The following FBXL20 variants were observed in gnomAD, a reference collection of about 807,000 sequenced individuals.
FBXL20 encodes the protein F-box/LRR-repeat protein 20.
FBXL20 carries 11 observed loss-of-function variants against 64.0 expected under a neutral mutation model. The observed-to-expected ratio is 0.17, with a 90% CI of 0.11 to 0.28. The LOEUF is 0.28. Ranked by LOEUF, FBXL20 falls within the 10% of genes least tolerant of loss-of-function variation. The pLI is 1.00. For missense variants in FBXL20, 303 were observed against 526.2 expected (o/e 0.58, Z 4.15); for synonymous variants, 184 against 189.0 (o/e 0.97, Z 0.22).
intron 1 of FBXL20, among the ~76,000 whole-genome samples, chr17:39,357,889 G>A (rs1049966336): frequency 6.6e-6 from 1 of 152,120 alleles, no homozygotes; most frequent in African/African-American, 2.4e-5. Context: ...AATTCTCTCA[G>A]TATTTGCTTA....
intron 10 of FBXL20, among the ~76,000 whole-genome samples, chr17:39,274,126 C>T (rs1419374885): frequency 6.6e-6 from 1 of 152,178 alleles, no homozygotes; most frequent in Admixed American, 6.5e-5. Flanking sequence ...CTTCTAGCCT[C>T]GGTCTCCCTA....
rs554685377 is a variant in FBXL20, at chr17:39,365,157, C to T, written c.43-21916G>A. ...AGAATCAATTTTCATTAAAAAAAAT[C>T]CAGAGTTGAAGCTGCAGAAGATTTT... On this transcript the variant is annotated intron_variant, in intron 1 of 14. Transcript: ENST00000264658. Among the ~76,000 whole-genome samples the T allele has an allele frequency of 3.9e-5, 6 of 152,164 alleles. 1 individual carries two copies. The East Asian group carries it at 7.7e-4, about 20-fold the overall frequency.
intron 1 of FBXL20, among the ~76,000 whole-genome samples, chr17:39,391,928 G>A (rs1404583828): frequency 6.6e-6 from 1 of 151,658 alleles, no homozygotes; most frequent in Non-Finnish European, 1.5e-5. Context: ...TGGATCACAA[G>A]GCCAGGAGTT....
intron 1 of FBXL20, among the ~76,000 whole-genome samples, chr17:39,356,284 T>C (rs375645356): frequency 6.6e-6 from 1 of 151,728 alleles, no homozygotes; most frequent in African/African-American, 2.4e-5. Context: ...CCATTTTGAG[T>C]TAATTATCAT....
At chr17:39,387,348 C>G (rs1304851936) in intron 1 of FBXL20, among the ~76,000 whole-genome samples, 1 of 147,026 alleles carries the variant, frequency 6.8e-6, no homozygotes, top group Non-Finnish European at 1.5e-5. Flanking sequence ...GGCGCAATCT[C>G]GGCTTGCTGT....
chr17:39,339,944 AT>A (rs887759544), intron 2 of FBXL20, among the ~76,000 whole-genome samples: 71 of 139,980 alleles, frequency 5.1e-4, no homozygotes, highest in African/African-American at 5.0e-4. Context: ...CCGTAACTGG[AT>A]TTTTTTTTTT....
intron 2 of FBXL20, among the ~76,000 whole-genome samples, chr17:39,326,575 T>A (rs1245801066): frequency 6.6e-6 from 1 of 151,664 alleles, no homozygotes; most frequent in Non-Finnish European, 1.5e-5. Context: ...TGAGCCATAA[T>A]CACGCCAATG....
rs1190009893 is a variant in FBXL20, at chr17:39,270,829, T to C, written c.855A>G (p.Gln285=). Reference sequence around the variant, plus strand: ...GAGTGGTAAAGCCCACATCTGTTAATTGAGAACATCTTGCCACTTCCAATA... The same window carrying C: ...GAGTGGTAAAGCCCACATCTGTTAACTGAGAACATCTTGCCACTTCCAATA... ...LRILEVARCS[Q]LTDVGFTTLA... The change falls in exon 11 of 15, where the codon CAA becomes CAG. Residue 285 remains glutamine (Q), a synonymous_variant. Transcript: ENST00000264658. The C allele has an allele frequency of 3.1e-6, 5 of 1,606,802 alleles. No individual in the cohort carries two copies. The highest frequency in any genetic ancestry group is 2.7e-5 in the African/African-American group (2 of 74,038).
At chr17:39,281,772 A>C (rs1040197027) in intron 8 of FBXL20, among the ~76,000 whole-genome samples, 1 of 152,164 alleles carries the variant, frequency 6.6e-6, no homozygotes, top group Non-Finnish European at 1.5e-5. Flanking sequence ...ACAGCATTTT[A>C]CTGAGGGCCC....
At chr17:39,396,680 G>T (rs928049311) in intron 1 of FBXL20, among the ~76,000 whole-genome samples, 3 of 152,022 alleles carry the variant, frequency 2.0e-5, no homozygotes, top group Non-Finnish European at 4.4e-5. Context: ...GTCTTGCCGG[G>T]CGTGGTGGCT....
chr17:39,341,547 A>C (rs2047583278), intron 2 of FBXL20, among the ~76,000 whole-genome samples: 1 of 152,170 alleles, frequency 6.6e-6, no homozygotes, highest in Admixed American at 6.6e-5. Flanking sequence ...TTAAGGAGAG[A>C]GGGTTCATAT....
chr17:39,285,342 A>T, intron 7 of FBXL20, 136 bp downstream of exon 7: 1 of 499,068 alleles, frequency 2.0e-6, no homozygotes, highest in Non-Finnish European at 3.3e-6. Flanking sequence ...GCAAGTGGTA[A>T]AACAAATTAT....
chr17:39,302,932 GAC>G (rs1299239290), intron 3 of FBXL20, among the ~76,000 whole-genome samples: 1 of 149,790 alleles, frequency 6.7e-6, no homozygotes, highest in Non-Finnish European at 1.5e-5. Context: ...TTTTTTTTGA[GAC>G]AGAGTCTCGC....
At chr17:39,278,638 C>T (rs993879422) in intron 9 of FBXL20, among the ~76,000 whole-genome samples, 7 of 149,924 alleles carry the variant, frequency 4.7e-5, no homozygotes, top group Admixed American at 3.3e-4. Flanking sequence ...ACCTCCACCT[C>T]CTGGGTTCAA....
chr17:39,381,802 A>G (rs1276851398), intron 1 of FBXL20, among the ~76,000 whole-genome samples: 1 of 151,782 alleles, frequency 6.6e-6, no homozygotes, highest in East Asian at 1.9e-4. Context: ...GAAGGGAAAA[A>G]AAAAAAAAAA....
In FBXL20 at chr17:39,401,429, G is replaced by A. The variant is rs528854045; in HGVS notation, c.-27C>T. 51 of 1,577,568 alleles carry A rather than the reference G, an allele frequency of 3.2e-5. No homozygotes were observed. In the South Asian group the frequency reaches 5.4e-4, roughly 17 times the overall value. ...GGGCCGGCGGGTGCGGCCCGGGCCG[G>A]GCGCTGCGGCGAGCGGAGTGCACAG... On this transcript the variant is annotated 5_prime_UTR_variant, in exon 1 of 15. Transcript: ENST00000264658.
chr17:39,292,729 A>G (rs1489437307), intron 6 of FBXL20, among the ~76,000 whole-genome samples: 2 of 146,058 alleles, frequency 1.4e-5, no homozygotes, highest in Non-Finnish European at 3.0e-5. Context: ...CTATATTTCT[A>G]TTGACTGGCT....
chr17:39,265,705 T>G (rs1320233049), intron 12 of FBXL20, among the ~76,000 whole-genome samples: 1 of 149,902 alleles, frequency 6.7e-6, no homozygotes, highest in East Asian at 1.9e-4. Context: ...TTTTTTTTTG[T>G]AGAGACAGGG....
chr17:39,289,998 CAAA>C (rs368530587), intron 6 of FBXL20, among the ~76,000 whole-genome samples: 10 of 41,876 alleles, frequency 2.4e-4, no homozygotes, highest in East Asian at 1.2e-3. Context: ...GACTCAGTCT[CAAA>C]AAAAAAAAAA....
Sources: allele counts gnomAD v4.1 joint callset (sites outside exome capture counted in the v4.1 genomes callset), GRCh38; gene constraint gnomAD v4.1.1; transcripts MANE v1.5; gene names NCBI Gene and HGNC (gene_info 2026-07-23, HGNC 2026-07-21).